The following RGS22 variants were observed in gnomAD, a reference collection of about 807,000 sequenced individuals.
The protein encoded by RGS22 is regulator of G-protein signaling 22.
A neutral mutation model predicts 172.9 loss-of-function variants in RGS22; 148 were observed. The ratio of observed to expected loss-of-function variants is 0.86; its 90% CI spans 0.75 to 0.98. The LOEUF is 0.98. RGS22 is among the 50% of genes least tolerant of loss of function. RGS22 has a pLI of 0.00. For missense variants in RGS22, 1,347 were observed against 1,440.8 expected (o/e 0.93, Z 1.05); for synonymous variants, 458 against 480.2 (o/e 0.95, Z 0.60).
intron 17 of RGS22, among the ~76,000 whole-genome samples, chr8:100,003,362 G>A (rs1018215751): frequency 4.6e-5 from 7 of 151,578 alleles, no homozygotes; most frequent in African/African-American, 1.7e-4. Flanking sequence ...TTACAATGAA[G>A]GGAAACCATA....
In RGS22 at chr8:100,063,689, A is replaced by G; in HGVS notation, c.1079T>C (p.Ile360Thr). ...TTCACTTAAAAAATTCTTGCCATGA[A>G]TAGACTCAAAACAATCATCAAATGA... is the stretch of plus-strand genomic sequence containing the variant. ...KVSFDDCFESIHGKNFLSELV... is the reference protein window; with the variant it reads ...KVSFDDCFESTHGKNFLSELV... Residue 360 changes from isoleucine to threonine, a missense_variant, in exon 8 of 28, where the codon ATT becomes ACT. Coordinates refer to ENST00000360863, the MANE Select transcript of RGS22 (RefSeq NM_015668.5). The G allele has an allele frequency of 6.2e-7, 1 of 1,614,054 alleles. No individual in the cohort carries two copies. The highest frequency in any genetic ancestry group is 8.5e-7 in the Non-Finnish European group (1 of 1,179,976).
chr8:99,996,401 A>T, intron 20 of RGS22, 61 bp downstream of exon 20: 1 of 1,421,196 alleles, frequency 7.0e-7, no homozygotes, highest in Non-Finnish European at 9.9e-7. Context: ...AAAGGGAAAG[A>T]AAAACAATAC....
intron 14 of RGS22, among the ~76,000 whole-genome samples, chr8:100,030,426 T>C (rs913898734): frequency 1.3e-5 from 2 of 152,226 alleles, no homozygotes; most frequent in Non-Finnish European, 2.9e-5. Flanking sequence ...AGGCAGGTGC[T>C]TCAGGAGGAA....
chr8:99,998,250 G>A (rs1312253279), intron 19 of RGS22, among the ~76,000 whole-genome samples: 2 of 152,090 alleles, frequency 1.3e-5, no homozygotes, highest in Non-Finnish European at 2.9e-5. Flanking sequence ...TTTGCCATGT[G>A]CCAGGCACCA....
intron 14 of RGS22, among the ~76,000 whole-genome samples, chr8:100,038,212 T>C (rs1179968482): frequency 2.6e-5 from 4 of 152,176 alleles, no homozygotes; most frequent in Non-Finnish European, 5.9e-5. Context: ...CAGAAGAGCC[T>C]GACAATAAAA....
At chr8:99,992,221 T>C (rs999884689) in intron 20 of RGS22, among the ~76,000 whole-genome samples, 1 of 152,054 alleles carries the variant, frequency 6.6e-6, no homozygotes, top group African/African-American at 2.4e-5. Flanking sequence ...ACAGGCAAAA[T>C]AACCAGTGAC....
chr8:99,992,834 C>A (rs530869358), intron 20 of RGS22, among the ~76,000 whole-genome samples: 1 of 152,210 alleles, frequency 6.6e-6, no homozygotes, highest in South Asian at 2.1e-4. Flanking sequence ...CACCACATCA[C>A]ATTTATTCTA....
chr8:100,035,718 T>A (rs1053802553), intron 14 of RGS22, among the ~76,000 whole-genome samples: 1 of 152,144 alleles, frequency 6.6e-6, no homozygotes, highest in African/African-American at 2.4e-5. Flanking sequence ...CAAATGTCCA[T>A]CAATGATAGA....
At chr8:100,101,573 A>G (rs1338285190) in intron 2 of RGS22, among the ~76,000 whole-genome samples, 1 of 151,494 alleles carries the variant, frequency 6.6e-6, no homozygotes, top group Non-Finnish European at 1.5e-5. Flanking sequence ...GATTACAAGC[A>G]TGAGCCACTG....
At chr8:100,081,005 T>C (rs887436692) in intron 3 of RGS22, among the ~76,000 whole-genome samples, 7 of 152,212 alleles carry the variant, frequency 4.6e-5, no homozygotes, top group Admixed American at 2.0e-4. Context: ...TCTGTGACTC[T>C]AGGTAAATCA....
intron 16 of RGS22, among the ~76,000 whole-genome samples, chr8:100,005,695 C>T (rs1815618737): frequency 6.6e-6 from 1 of 152,116 alleles, no homozygotes; most frequent in Admixed American, 6.6e-5. Flanking sequence ...ATAGAAAGAG[C>T]AGCTGCCATA....
At chr8:100,095,170 T>C (rs964408346) in intron 2 of RGS22, among the ~76,000 whole-genome samples, 1 of 152,096 alleles carries the variant, frequency 6.6e-6, no homozygotes, top group African/African-American at 2.4e-5. Context: ...CTATCTGAGA[T>C]GAGATACCCG....
At chr8:100,031,213 T>C (rs987017290) in intron 14 of RGS22, among the ~76,000 whole-genome samples, 5 of 152,280 alleles carry the variant, frequency 3.3e-5, no homozygotes, top group East Asian at 3.9e-4. Context: ...CTTAACAAAG[T>C]TTACCCAGCT....
At chr8:100,019,732 C>T (rs906174703) in intron 14 of RGS22, among the ~76,000 whole-genome samples, 3 of 151,510 alleles carry the variant, frequency 2.0e-5, no homozygotes, top group East Asian at 3.9e-4. Flanking sequence ...ACCCATTACT[C>T]GACTAAAAAG....
intron 14 of RGS22, among the ~76,000 whole-genome samples, chr8:100,019,456 G>T (rs1195188430): frequency 6.6e-6 from 1 of 152,206 alleles, no homozygotes; most frequent in Non-Finnish European, 1.5e-5. Context: ...ACCAGGCCAG[G>T]ACTGGAAGTA....
chr8:99,971,120 CA>C (rs1473914473), intron 23 of RGS22, among the ~76,000 whole-genome samples: 1 of 152,148 alleles, frequency 6.6e-6, no homozygotes, highest in African/African-American at 2.4e-5. Flanking sequence ...GAACCAATGA[CA>C]AAAACCACAT....
chr8:99,962,659 C>G (rs1810330936), intron 26 of RGS22, 28 bp downstream of exon 26: 5 of 1,574,306 alleles, frequency 3.2e-6, no homozygotes, highest in African/African-American at 1.4e-5. Context: ...AAAGAAACAA[C>G]TGAAGATAGA....
intron 14 of RGS22, among the ~76,000 whole-genome samples, chr8:100,021,657 C>T (rs538892026): frequency 2.0e-5 from 3 of 151,874 alleles, no homozygotes; most frequent in Non-Finnish European, 4.4e-5. Flanking sequence ...ACAAAGAAAC[C>T]ATATTGCTGT....
chr8:100,063,875 T>G lies in RGS22; in HGVS notation c.893A>C (p.Lys298Thr). The G allele has an allele frequency of 6.2e-7, 1 of 1,611,832 alleles. No individual in the cohort carries two copies. Among genetic ancestry groups the G allele is most frequent in the Admixed American group, 1.7e-5 (1 of 59,628 alleles). Reference sequence around the variant, plus strand: ...TGTCAGGCTTTCATCAACATCCTGTTTCTTTTCAAGGTATACTCTCAGAAG... The same window carrying G: ...TGTCAGGCTTTCATCAACATCCTGTGTCTTTTCAAGGTATACTCTCAGAAG... ...QALLRVYLEKKQDVDESLTMH... is the reference protein window; with the variant it reads ...QALLRVYLEKTQDVDESLTMH... The change falls in exon 8 of 28, where the codon AAA becomes ACA. Residue 298 changes from lysine to threonine, a missense_variant. Lys to Thr is a moderately conservative substitution (Grantham distance 78). Coordinates refer to ENST00000360863, the MANE Select transcript of RGS22 (RefSeq NM_015668.5).
Sources: gnomAD v4.1 joint callset for allele counts (sites outside exome capture counted in the v4.1 genomes callset) on GRCh38, gnomAD v4.1.1 for gene constraint, MANE v1.5 for transcripts, NCBI Gene and HGNC (gene_info 2026-07-23, HGNC 2026-07-21) for gene names.